Variants in DIAPH2 observed in about 807,000 individuals in gnomAD.
DIAPH2 encodes protein diaphanous homolog 2.
Under a neutral mutation model 92.7 loss-of-function variants are expected in DIAPH2, and 35 were observed. The observed-to-expected ratio is 0.38, with a 90% CI of 0.29 to 0.50. The LOEUF (loss-of-function observed/expected upper bound fraction) is 0.50. Ranked by LOEUF, DIAPH2 falls within the 20% of genes least tolerant of loss-of-function variation. The pLI is 0.94. For missense variants in DIAPH2, 701 were observed against 819.5 expected, an observed-to-expected ratio of 0.86 and a Z score of 1.77; for synonymous variants, 301 against 280.4, an observed-to-expected ratio of 1.07 and a Z score of -0.73.
At chrX:96,998,880 A>T (rs2066123028) in intron 17 of DIAPH2, among the ~76,000 whole-genome samples, 1 of 112,200 alleles carries the variant, frequency 8.9e-6, no homozygotes, top group African/African-American at 3.2e-5. Flanking sequence ...ACCCTTTAGG[A>T]TTATTGACAA....
At chrX:96,726,515 A>T (rs2064020978) in intron 1 of DIAPH2, among the ~76,000 whole-genome samples, 1 of 111,795 alleles carries the variant, frequency 8.9e-6, no homozygotes, top group South Asian at 3.8e-4. Context: ...AGATGGCTAG[A>T]TGATTAAGAA....
intron 23 of DIAPH2, among the ~76,000 whole-genome samples, chrX:97,336,135 C>A (rs2069056244): frequency 9.0e-6 from 1 of 110,902 alleles, no homozygotes; most frequent in African/African-American, 3.3e-5. Flanking sequence ...TTTCAAGAAG[C>A]ATTTCCAGAC....
At chrX:97,294,383 C>G (rs2068625973) in intron 23 of DIAPH2, among the ~76,000 whole-genome samples, 1 of 111,847 alleles carries the variant, frequency 8.9e-6, no homozygotes, top group Non-Finnish European at 1.9e-5. Context: ...AAACTGAGAC[C>G]CAGAAAGAGG....
chrX:96,882,054 C>CT (rs72319311), intron 5 of DIAPH2, among the ~76,000 whole-genome samples: 187 of 101,629 alleles, frequency 1.8e-3, no homozygotes, highest in Admixed American at 3.8e-3. Flanking sequence ...TGATTTTATT[C>CT]TTTTTTTTTT....
intron 22 of DIAPH2, among the ~76,000 whole-genome samples, chrX:97,208,289 T>C (rs749909269): frequency 8.0e-5 from 9 of 112,068 alleles, no homozygotes; most frequent in Non-Finnish European, 1.3e-4. Flanking sequence ...AAACAAGACA[T>C]GGTCCCTTTT....
chrX:97,315,862 C>T (rs2147646334), intron 23 of DIAPH2, among the ~76,000 whole-genome samples: 1 of 111,223 alleles, frequency 9.0e-6, no homozygotes, highest in African/African-American at 3.3e-5. Flanking sequence ...ATTGCATTGA[C>T]TGATCAAGGA....
At chrX:97,382,488 C>T (rs1451637439) in intron 24 of DIAPH2, among the ~76,000 whole-genome samples, 1 of 111,914 alleles carries the variant, frequency 8.9e-6, no homozygotes, top group African/African-American at 3.3e-5. Flanking sequence ...TGCTAAACAT[C>T]CCACAACGCA....
intron 26 of DIAPH2, among the ~76,000 whole-genome samples, chrX:97,498,140 C>A (rs2070772185): frequency 9.0e-6 from 1 of 111,177 alleles, no homozygotes; most frequent in Non-Finnish European, 1.9e-5. Context: ...CTTACTAATC[C>A]TTCTATTCTT....
At chrX:97,466,162 A>G (rs2070511060) in intron 26 of DIAPH2, among the ~76,000 whole-genome samples, 1 of 111,990 alleles carries the variant, frequency 8.9e-6, no homozygotes, top group African/African-American at 3.2e-5. Context: ...AAATCTATTA[A>G]AAGTCAAAGA....
intron 4 of DIAPH2, among the ~76,000 whole-genome samples, chrX:96,847,626 C>CT (rs2064980190): frequency 9.6e-6 from 1 of 104,541 alleles, no homozygotes; most frequent in African/African-American, 3.4e-5. Context: ...AAAGGTTGCT[C>CT]TTTAAAAAAA....
intron 5 of DIAPH2, among the ~76,000 whole-genome samples, chrX:96,897,704 T>C (rs1003712919): frequency 2.7e-5 from 3 of 110,115 alleles, no homozygotes; most frequent in African/African-American, 9.9e-5. Context: ...AAAAAAAATT[T>C]TTTTTCAATT....
chrX:97,497,487 TTTGCTTTCTTATAG>T (rs1183527310), intron 26 of DIAPH2, among the ~76,000 whole-genome samples: 9 of 109,049 alleles, frequency 8.3e-5, no homozygotes, highest in African/African-American at 2.7e-4. Flanking sequence ...TACCCTATCT[TTTGCTTTCTTATAG>T]TTGCTTAATA....
intron 24 of DIAPH2, among the ~76,000 whole-genome samples, chrX:97,362,907 G>T (rs185950396): frequency 8.9e-6 from 1 of 112,425 alleles, no homozygotes; most frequent in African/African-American, 3.2e-5. Flanking sequence ...CTAAGATTTA[G>T]ATTTTAACAG....
rs148988563 is a variant in DIAPH2, at chrX:96,988,604, C to G, written c.2050+23397C>G. ...CAATGTGATCATCTAGAAAAACCAT[C>G]TGTGGATGTACTATACCAACATTTT... On this transcript the variant is annotated intron_variant, in intron 17 of 26. Coordinates refer to ENST00000324765, the MANE Select transcript of DIAPH2 (RefSeq NM_006729.5). Among the ~76,000 whole-genome samples the G allele has an allele frequency of 2.3e-3, 255 of 110,825 alleles. 1 individual carries two copies. The highest frequency in any genetic ancestry group is 8.1e-3 in the African/African-American group (248 of 30,605).
At position 97,505,646 on chromosome X, in the gene DIAPH2, G is replaced by A. The variant is rs549504992; in HGVS notation, c.3241+75901G>A. 5.5e-5 allele frequency among the ~76,000 whole-genome samples: 6 copies of A among 108,676 alleles called. No homozygotes were observed. In the South Asian group the frequency reaches 2.4e-3, roughly 44 times the overall value. 94.4% of individuals were successfully genotyped at this position (108,676 alleles called of 115,157 possible). The stretch of plus-strand genomic sequence containing the variant: ...GAAGCATAATGCAGCAAATGAGGTA[G>A]GGCTTTTTTTTTTTTTTAACTCATC... On this transcript the variant is annotated intron_variant, in intron 26 of 26. Coordinates refer to ENST00000324765, the MANE Select transcript of DIAPH2 (RefSeq NM_006729.5).
At chrX:97,575,104 T>C (rs959214370) in intron 26 of DIAPH2, among the ~76,000 whole-genome samples, 1 of 113,015 alleles carries the variant, frequency 8.8e-6, no homozygotes, top group Non-Finnish European at 1.9e-5. Flanking sequence ...TGCTATATGA[T>C]AGCTGTAGTA....
chrX:97,536,741 C>T (rs923421870), intron 26 of DIAPH2, among the ~76,000 whole-genome samples: 1 of 111,366 alleles, frequency 9.0e-6, no homozygotes, highest in African/African-American at 3.3e-5. Context: ...ACCCTGAAAC[C>T]TCATAAAACT....
intron 4 of DIAPH2, among the ~76,000 whole-genome samples, chrX:96,858,688 G>T (rs1452545129): frequency 8.9e-6 from 1 of 111,982 alleles, no homozygotes; most frequent in African/African-American, 3.2e-5. Context: ...CAAGACTTAG[G>T]ACAGGAAAGA....
intron 22 of DIAPH2, among the ~76,000 whole-genome samples, chrX:97,209,073 A>G (rs769156498): frequency 6.3e-5 from 7 of 111,123 alleles, no homozygotes; most frequent in South Asian, 7.7e-4. Flanking sequence ...TCAGTCTTCT[A>G]TAGAGCACAG....
Sources: gnomAD v4.1 joint callset for allele counts (sites outside exome capture counted in the v4.1 genomes callset) on GRCh38, gnomAD v4.1.1 for gene constraint, MANE v1.5 for transcripts, NCBI Gene and HGNC (gene_info 2026-07-23, HGNC 2026-07-21) for gene names.